TENM1: variants seen among roughly 807,000 people sequenced by gnomAD.
TENM1 encodes the protein teneurin-1.
A neutral mutation model predicts 174.8 loss-of-function variants in TENM1; 35 were observed. The ratio of observed to expected loss-of-function variants is 0.20; its 90% CI spans 0.15 to 0.27. The LOEUF is 0.27. TENM1 is among the 10% of genes least tolerant of loss of function. The pLI is 1.00. For missense variants in TENM1, 1,633 were observed against 2,130.1 expected, an observed-to-expected ratio of 0.77 and a Z score of 4.59; for synonymous variants, 781 against 798.7, an observed-to-expected ratio of 0.98 and a Z score of 0.37.
At chrX:124,699,747 G>A (rs1369483064) in intron 5 of TENM1, among the ~76,000 whole-genome samples, 2 of 111,415 alleles carry the variant, frequency 1.8e-5, no homozygotes, top group Non-Finnish European at 3.8e-5. Flanking sequence ...TAAAACTTAT[G>A]GAATATATTA....
intron 3 of TENM1, among the ~76,000 whole-genome samples, chrX:124,891,884 A>G (rs2057482234): frequency 9.0e-6 from 1 of 111,417 alleles, no homozygotes; most frequent in Non-Finnish European, 1.9e-5. Context: ...TTTTTCATTT[A>G]TTTAGTGCCT....
Position 124,501,550 on chromosome X carries a change from T to C in TENM1, c.3445+2010A>G, listed in dbSNP as rs189048587. 2.1e-3 allele frequency among the ~76,000 whole-genome samples: 240 copies of C among 111,979 alleles called. 2 individuals are homozygous for C. Among genetic ancestry groups the C allele is most frequent in the African/African-American group, 7.5e-3 (232 of 30,880 alleles). ...CCAGTGAGAGGAAACTGGGGGAAGATAGATTCTTGTTTTTAATCTGCTATC... is the reference window on the plus strand; with the variant it reads ...CCAGTGAGAGGAAACTGGGGGAAGACAGATTCTTGTTTTTAATCTGCTATC... On this transcript the variant is annotated intron_variant, in intron 19 of 31. Transcript: ENST00000422452.
intron 3 of TENM1, among the ~76,000 whole-genome samples, chrX:124,824,821 C>T (rs2056118327): frequency 9.0e-6 from 1 of 111,575 alleles, no homozygotes. Context: ...CTGTGTAGTA[C>T]TACTAATGTG....
At chrX:124,829,309 GTTTTC>G (rs1172912356) in intron 3 of TENM1, among the ~76,000 whole-genome samples, 1 of 112,186 alleles carries the variant, frequency 8.9e-6, no homozygotes, top group Admixed American at 9.4e-5. Context: ...AAAAAGAGTT[GTTTTC>G]TTTTCAACAA....
intron 3 of TENM1, among the ~76,000 whole-genome samples, chrX:124,785,540 T>G (rs760884395): frequency 1.8e-5 from 2 of 112,260 alleles, no homozygotes; most frequent in East Asian, 5.6e-4. Context: ...CAGGAAACAA[T>G]ACTTTGACCA....
intron 14 of TENM1, among the ~76,000 whole-genome samples, chrX:124,558,533 A>G (rs1173209081): frequency 8.9e-6 from 1 of 111,768 alleles, no homozygotes; most frequent in Non-Finnish European, 1.9e-5. Context: ...GTAGACTAAT[A>G]TTAATATTAA....
rs369844498 is a variant in TENM1 at position 124,406,429 on chromosome X, G to C, written c.5043C>G (p.Phe1681Leu). The C allele has an allele frequency of 5.8e-6, 7 of 1,207,157 alleles. No homozygotes were observed. The African/African-American group carries it at 1.2e-4, about 21-fold the overall frequency. The change falls in exon 26 of 32, where the codon TTC becomes TTG. Residue 1681 changes from phenylalanine (F) to leucine (L), a missense_variant. By Grantham distance (22) the Phe-to-Leu change is conservative. Around this residue, in one of 4 missense-constraint regions of TENM1, gnomAD observed 807 missense variants for 1,125.3 expected, o/e 0.72. Transcript: ENST00000422452. ...TTGTCAGCTTCTCCAGGTCACTGTG[G>C]AAGCTGCTGACCTCTCCAGTGGGAA... is the stretch of plus-strand genomic sequence containing the variant.
the TENM1 span, among the ~76,000 whole-genome samples, chrX:125,017,449 T>A: frequency 8.9e-6 from 1 of 112,161 alleles, no homozygotes; most frequent in East Asian, 2.8e-4. Context: ...TCAACCATTG[T>A]GGAAGGCAGT....
the TENM1 span, among the ~76,000 whole-genome samples, chrX:125,138,238 G>A: frequency 1.4e-4 from 14 of 98,204 alleles, no homozygotes; most frequent in East Asian, 3.0e-4. Context: ...GAGACAGCAC[G>A]GGCTCAAAAG....
chrX:124,449,415 C>T (rs939004966), intron 23 of TENM1, among the ~76,000 whole-genome samples: 1 of 112,114 alleles, frequency 8.9e-6, no homozygotes, highest in Non-Finnish European at 1.9e-5. Flanking sequence ...TGAAAAAGAA[C>T]CCTTCTCATG....
chrX:124,949,115 A>G (rs757029025), intron 1 of TENM1, among the ~76,000 whole-genome samples: 2 of 111,331 alleles, frequency 1.8e-5, no homozygotes, highest in African/African-American at 6.5e-5. Context: ...ATTTACAGTG[A>G]CACAACTTAC....
At chrX:124,405,225 G>A in exon 27 of TENM1, 1 of 1,211,525 alleles carries the variant, frequency 8.3e-7, no homozygotes, top group Non-Finnish European at 1.1e-6. Flanking sequence ...GTGACACGCA[G>A]GGAACCATCT....
At chrX:124,729,195 A>T (rs1421220101) in intron 4 of TENM1, among the ~76,000 whole-genome samples, 1 of 112,380 alleles carries the variant, frequency 8.9e-6, no homozygotes. Context: ...ACAGCAGATT[A>T]AAGCTATTGT....
At chrX:124,445,927 A>C (rs1450114607) in intron 23 of TENM1, among the ~76,000 whole-genome samples, 1 of 112,323 alleles carries the variant, frequency 8.9e-6, no homozygotes, top group Non-Finnish European at 1.9e-5. Flanking sequence ...CTGAAGTGAA[A>C]GGCCTGGTTG....
chrX:124,512,221 T>C (rs1332415051), intron 18 of TENM1, among the ~76,000 whole-genome samples: 6 of 111,720 alleles, frequency 5.4e-5, no homozygotes, highest in African/African-American at 1.3e-4. Context: ...ACAAGCCAGT[T>C]TGTCAAATTA....
At chrX:124,506,465 CT>C (rs16306) in intron 18 of TENM1, among the ~76,000 whole-genome samples, 13,740 of 111,216 alleles carry the variant, frequency 0.12, 698 homozygotes, top group Middle Eastern at 0.19. Context: ...AATTATATTA[CT>C]TTTTTTCCCC....
intron 1 of TENM1, among the ~76,000 whole-genome samples, chrX:124,939,851 G>A (rs2058299939): frequency 8.9e-6 from 1 of 111,732 alleles, no homozygotes; most frequent in Admixed American, 9.5e-5. Context: ...TGACCATCAA[G>A]GCTAAATAAA....
chrX:124,662,432 C>T (rs1351921316), intron 6 of TENM1, among the ~76,000 whole-genome samples: 2 of 93,628 alleles, frequency 2.1e-5, no homozygotes, highest in African/African-American at 4.2e-5. Context: ...GCAGCCTGGA[C>T]GACAGGGCGA....
intron 14 of TENM1, among the ~76,000 whole-genome samples, chrX:124,555,183 T>C (rs2843520): frequency 0.23 from 25,620 of 110,114 alleles, 2,216 homozygotes; most frequent in South Asian, 0.42. Flanking sequence ...AATCTCTTCC[T>C]GACTCATGTT....
Sources: allele counts gnomAD v4.1 joint callset (sites outside exome capture counted in the v4.1 genomes callset), GRCh38; gene constraint gnomAD v4.1.1; regional missense constraint gnomAD v4.1.1; transcripts MANE v1.5; gene names NCBI Gene and HGNC (gene_info 2026-07-23, HGNC 2026-07-21).